Variants in ASXL1 observed in about 807,000 individuals in gnomAD.
ASXL1 encodes the protein ASXL transcriptional regulator 1, also known as polycomb group protein ASXL1.
ASXL1 carries 65 observed loss-of-function variants against 89.1 expected under a neutral mutation model. The observed-to-expected ratio is 0.73, with a 90% CI of 0.60 to 0.90. The LOEUF is 0.90. Ranked by LOEUF, ASXL1 falls within the 40% of genes least tolerant of loss-of-function variation. The probability of loss-of-function intolerance (pLI) is 0.00; values close to 1 mark genes in which losing one functional copy is unlikely to be tolerated. For missense variants in ASXL1, 1,786 were observed against 1,942.9 expected, an observed-to-expected ratio of 0.92 and a Z score of 1.52; for synonymous variants, 739 against 746.9, an observed-to-expected ratio of 0.99 and a Z score of 0.17.
chr20:32,388,524 T>C (rs1329273391), intron 4 of ASXL1, among the ~76,000 whole-genome samples: 1 of 152,208 alleles, frequency 6.6e-6, no homozygotes, highest in East Asian at 1.9e-4. Context: ...TTCCTTTAAT[T>C]TGGTAATATA....
chr20:32,365,020 G>A (rs1265190376), intron 1 of ASXL1, among the ~76,000 whole-genome samples: 2 of 152,182 alleles, frequency 1.3e-5, no homozygotes, highest in Admixed American at 1.3e-4. Context: ...TCTGAATTAG[G>A]TGATTATACA....
chr20:32,383,550 T>G (rs1055011474), intron 4 of ASXL1, among the ~76,000 whole-genome samples: 3 of 152,078 alleles, frequency 2.0e-5, no homozygotes, highest in African/African-American at 7.2e-5. Context: ...CTTGTGATCC[T>G]CCCGCCTCGG....
intron 4 of ASXL1, among the ~76,000 whole-genome samples, chr20:32,378,514 G>A (rs1412794632): frequency 6.6e-6 from 1 of 152,052 alleles, no homozygotes; most frequent in Non-Finnish European, 1.5e-5. Flanking sequence ...CCTCAGTGGT[G>A]GGATAGGTGA....
At chr20:32,398,611 T>G (rs1426990707) in intron 4 of ASXL1, among the ~76,000 whole-genome samples, 1 of 147,810 alleles carries the variant, frequency 6.8e-6, no homozygotes, top group African/African-American at 2.5e-5. Flanking sequence ...TTGTTTTTTT[T>G]TTTGTTTTTT....
In ASXL1 at chr20:32,433,844, G is replaced by A. The variant is rs2011622567; in HGVS notation, c.1646G>A (p.Arg549His). The change falls in exon 12 of 13, where the codon CGT (arginine) becomes CAT (histidine). Residue 549 changes from arginine (R) to histidine (H), a missense_variant. Transcript: ENST00000375687. ...CGGCTTGAAGATCGTCAGTCCTTTC[G>A]TAACACAATTGAAAGTGTTCACACC... ...KPRLEDRQSF[R>H]NTIESVHTEK... 6.2e-7 allele frequency: 1 copy of A among 1,613,976 alleles called. No individual in the cohort carries two copies. Among genetic ancestry groups the A allele is most frequent in the East Asian group, 2.2e-5 (1 of 44,884 alleles).
rs150364636 is a variant in ASXL1 at position 32,434,065 on chromosome 20, A to G, written c.1719+148A>G. 73 of 1,145,732 alleles carry G rather than the reference A, an allele frequency of 6.4e-5. No homozygotes were observed. In the African/African-American group the frequency reaches 1.1e-3, roughly 17 times the overall value. 71.0% of individuals were successfully genotyped at this position (1,145,732 alleles called of 1,614,324 possible). On this transcript the variant is annotated intron_variant, in intron 12 of 12. Coordinates refer to ENST00000375687, the MANE Select transcript of ASXL1 (RefSeq NM_015338.6). ...AGAGGTTTGCTTGAGACAGCCTTCA[A>G]GTTTAGTGAGATAGGTTCTTTTCTT...
Position 32,435,218 on chromosome 20 carries a change from A to G in ASXL1, c.2506A>G (p.Thr836Ala), listed in dbSNP as rs373580114. The G allele has an allele frequency of 4.3e-6, 7 of 1,613,912 alleles. No individual in the cohort carries two copies. Among genetic ancestry groups the G allele is most frequent in the African/African-American group, 1.3e-5 (1 of 74,918 alleles). Residue 836 changes from threonine to alanine, a missense_variant, in exon 13 of 13, where the codon ACT becomes GCT. Around this residue, in one of 3 missense-constraint regions of ASXL1, gnomAD observed 1,418 missense variants for 1,427.8 expected, o/e 0.99. Transcript: ENST00000375687. ...TGGCCAAGCTCTTGACAGTCATCCC[A>G]CTATGAAGGATCCTGTAAATGTGAC... ...GTGQALDSHPTMKDPVNVTPS... is the reference protein window; with the variant it reads ...GTGQALDSHPAMKDPVNVTPS...
rs1198206699 is a variant in ASXL1, at chr20:32,434,737, T to C, written c.2025T>C (p.Pro675=). The change falls in exon 13 of 13, where the codon CCT becomes CCC. Residue 675 remains proline (P), a synonymous_variant. Coordinates refer to ENST00000375687, the MANE Select transcript of ASXL1 (RefSeq NM_015338.6). ...SGDGGEACGH[P]EPRGGPSTPG... ...ATGGTGGTGAGGCCTGTGGCCACCC[T>C]GAGCCCAGGGGAGGCCCGAGCACCC... 6.2e-7 allele frequency: 1 copy of C among 1,612,762 alleles called. No homozygotes were observed.
intron 4 of ASXL1, among the ~76,000 whole-genome samples, chr20:32,418,809 C>CTTTTTTTTTTTTTTTTTTTTT: frequency 1.8e-5 from 1 of 55,698 alleles, no homozygotes; most frequent in Non-Finnish European, 3.3e-5. Flanking sequence ...GAATTGACAT[C>CTTTTTTTTTTTTTTTTTTTTT]TTTTTTTTTT....
chr20:32,370,365 T>C (rs913603795), intron 4 of ASXL1, among the ~76,000 whole-genome samples: 1 of 151,860 alleles, frequency 6.6e-6, no homozygotes, highest in African/African-American at 2.4e-5. Flanking sequence ...GGTCTGCCAT[T>C]GTAGTAGGAA....
At chr20:32,362,346 GT>G (rs2048127809) in intron 1 of ASXL1, among the ~76,000 whole-genome samples, 1 of 152,082 alleles carries the variant, frequency 6.6e-6, no homozygotes, top group Non-Finnish European at 1.5e-5. Context: ...TTTAAAAATT[GT>G]TTTTGTAGGC....
intron 3 of ASXL1, among the ~76,000 whole-genome samples, chr20:32,368,177 G>A (rs1043822119): frequency 6.6e-6 from 1 of 152,190 alleles, no homozygotes; most frequent in South Asian, 2.1e-4. Context: ...AGGGTGCACA[G>A]GTGACTCCTA....
intron 12 of ASXL1, 91 bp from the exon 13 acceptor site, chr20:32,434,341 C>T: frequency 6.8e-7 from 1 of 1,467,698 alleles, no homozygotes; most frequent in Non-Finnish European, 9.5e-7. Context: ...ATGCCATGAC[C>T]CTTAAGCTAC....
intron 1 of ASXL1, 73 bp downstream of exon 1, chr20:32,358,905 G>C (rs920439839): frequency 1.4e-6 from 2 of 1,392,454 alleles, no homozygotes; most frequent in South Asian, 1.6e-5. Context: ...CCCCCACTGG[G>C]GGGGGAGGGG....
At position 32,433,586 on chromosome 20, in the gene ASXL1, G is replaced by C. The variant is rs373486603; in HGVS notation, c.1388G>C (p.Ser463Thr). 67 of 1,614,060 alleles carry C rather than the reference G, an allele frequency of 4.2e-5. 1 individual carries two copies. In the South Asian group the frequency reaches 7.1e-4, roughly 17 times the overall value. Reference sequence around the variant, plus strand: ...AAGACTGACCCAGCAGGGCTGAGCAGTCCCCATCTGCCAGGCACATCCTCT... The same window carrying C: ...AAGACTGACCCAGCAGGGCTGAGCACTCCCCATCTGCCAGGCACATCCTCT... ...EAKTDPAGLSSPHLPGTSSAA... is the reference protein window; with the variant it reads ...EAKTDPAGLSTPHLPGTSSAA... The change falls in exon 12 of 13, where the codon AGT becomes ACT. Residue 463 changes from serine (S) to threonine (T), a missense_variant. Physicochemically the swap from Ser to Thr is moderately conservative, Grantham distance 58 (BLOSUM62 1). Coordinates refer to ENST00000375687, the MANE Select transcript of ASXL1 (RefSeq NM_015338.6).
rs534781770 is a variant in ASXL1 at position 32,363,042 on chromosome 20, TA to T, written c.58-3331del. On this transcript the variant is annotated intron_variant, in intron 1 of 12. Transcript: ENST00000375687. ...CCTTTGAAGTAAGAGAAGAGATACT[TA>T]AAAAAAAAAATGTAGTCTAGAAAGA... 1.6e-3 allele frequency among the ~76,000 whole-genome samples: 242 copies of T among 148,348 alleles called. 1 individual carries two copies. The highest frequency in any genetic ancestry group is 4.8e-3 in the African/African-American group (196 of 40,688).
At chr20:32,394,392 C>T (rs1014604585) in intron 4 of ASXL1, among the ~76,000 whole-genome samples, 6 of 152,208 alleles carry the variant, frequency 3.9e-5, no homozygotes, top group African/African-American at 1.4e-4. Flanking sequence ...TGCCCTTGGC[C>T]TCCCAAAGTG....
intron 11 of ASXL1, 21 bp from the exon 12 acceptor site, chr20:32,433,263 G>A (rs752649496): frequency 6.2e-7 from 1 of 1,613,956 alleles, no homozygotes; most frequent in African/African-American, 1.3e-5. Flanking sequence ...TGAAACTGAT[G>A]GCTGTGATTT....
intron 4 of ASXL1, among the ~76,000 whole-genome samples, chr20:32,373,117 C>A (rs564845205): frequency 2.6e-5 from 4 of 151,074 alleles, no homozygotes; most frequent in Middle Eastern, 3.4e-3. Flanking sequence ...TGGCTCACGC[C>A]TGTAATCCCA....
Sources: allele counts gnomAD v4.1 joint callset (sites outside exome capture counted in the v4.1 genomes callset), GRCh38; gene constraint gnomAD v4.1.1; regional missense constraint gnomAD v4.1.1; transcripts MANE v1.5; gene names NCBI Gene and HGNC (gene_info 2026-07-23, HGNC 2026-07-21).